The following CSMD1 variants were observed in gnomAD, a reference collection of about 807,000 sequenced individuals.
CSMD1 encodes the protein CUB and sushi domain-containing protein 1.
A neutral mutation model predicts 417.5 loss-of-function variants in CSMD1; 213 were observed. The observed-to-expected ratio is 0.51, with a 90% CI of 0.46 to 0.57. CSMD1 has a LOEUF of 0.57. Among genes scored for constraint, CSMD1 ranks in the 20% least tolerant of loss-of-function variants. The pLI is 0.00. For synonymous variants in CSMD1, 2,862 were observed against 1,736.8 expected (o/e 1.65, Z -16.11); for missense variants, 6,923 against 4,529.7 (o/e 1.53, Z -15.17).
intron 3 of CSMD1, among the ~76,000 whole-genome samples, chr8:4,292,155 G>C (rs1052661683): frequency 6.6e-6 from 1 of 152,136 alleles, no homozygotes; most frequent in Non-Finnish European, 1.5e-5. Flanking sequence ...AATGACCCAG[G>C]TGAGCCCGGT....
intron 7 of CSMD1, among the ~76,000 whole-genome samples, chr8:3,657,495 C>T (rs148844730): frequency 2.2e-4 from 34 of 152,236 alleles, no homozygotes; most frequent in East Asian, 2.1e-3. Flanking sequence ...CACATATACA[C>T]GATGGAATAC....
chr8:4,472,268 G>A (rs1800578243), intron 2 of CSMD1, among the ~76,000 whole-genome samples: 2 of 152,106 alleles, frequency 1.3e-5, no homozygotes, highest in South Asian at 2.1e-4. Flanking sequence ...CTCAGATGCA[G>A]TCTCTTCTAA....
At chr8:4,438,559 C>A (rs1473979112) in intron 2 of CSMD1, among the ~76,000 whole-genome samples, 3 of 152,204 alleles carry the variant, frequency 2.0e-5, no homozygotes, top group Admixed American at 6.5e-5. Flanking sequence ...CATCTCTAAG[C>A]TGACGGGAGT....
intron 10 of CSMD1, among the ~76,000 whole-genome samples, chr8:3,521,974 T>G (rs1797528606): frequency 6.6e-6 from 1 of 152,248 alleles, no homozygotes; most frequent in Non-Finnish European, 1.5e-5. Flanking sequence ...TTAACAAAAC[T>G]TTCATTTCCA....
chr8:4,788,073 A>T, intron 1 of CSMD1: 1 of 1,600,434 alleles, frequency 6.2e-7, no homozygotes, highest in South Asian at 1.1e-5. Flanking sequence ...GGTTGCAGAG[A>T]AAGTAGAGTT....
chr8:4,772,180 G>A (rs571286391), intron 1 of CSMD1, among the ~76,000 whole-genome samples: 42 of 152,164 alleles, frequency 2.8e-4, no homozygotes, highest in Non-Finnish European at 4.3e-4. Context: ...CTGTTTTCTT[G>A]CTGGCTGATG....
At chr8:3,625,097 T>A (rs1427638328) in intron 7 of CSMD1, among the ~76,000 whole-genome samples, 1 of 152,176 alleles carries the variant, frequency 6.6e-6, no homozygotes, top group Admixed American at 6.5e-5. Flanking sequence ...TTGCTGTTTT[T>A]ACAGAATATT....
Position 4,904,613 on chromosome 8 carries a change from C to T in CSMD1, c.85+89719G>A, listed in dbSNP as rs117094881. On this transcript the variant is annotated intron_variant, in intron 1 of 69. Transcript: ENST00000635120. ...ATCATTAAGCACATATATGAGTGAG[C>T]CAGGGAGCGCCCAACCATCCAAGTC... Among the ~76,000 whole-genome samples the T allele has an allele frequency of 1.3e-3, 196 of 152,056 alleles. 2 individuals carry two copies. Among genetic ancestry groups the T allele is most frequent in the South Asian group, 0.012 (56 of 4,802 alleles).
At chr8:4,105,650 C>G (rs567857074) in intron 3 of CSMD1, among the ~76,000 whole-genome samples, 1 of 152,140 alleles carries the variant, frequency 6.6e-6, no homozygotes, top group Admixed American at 6.5e-5. Context: ...GCAGGTGGAA[C>G]GTGGTTTCTG....
intron 5 of CSMD1, among the ~76,000 whole-genome samples, chr8:3,754,344 A>G (rs2720861): frequency 0.99 from 150,088 of 152,290 alleles, 74,002 homozygotes; most frequent in East Asian, 1. Context: ...CTTTTCATCA[A>G]GATCTTAATC....
intron 3 of CSMD1, among the ~76,000 whole-genome samples, chr8:4,180,324 A>G (rs1316376091): frequency 6.6e-6 from 1 of 151,304 alleles, no homozygotes; most frequent in Non-Finnish European, 1.5e-5. Context: ...AACTATTGCA[A>G]GGACAAAAAA....
intron 2 of CSMD1, among the ~76,000 whole-genome samples, chr8:4,454,100 G>C (rs573723520): frequency 1.3e-5 from 2 of 152,164 alleles, no homozygotes; most frequent in East Asian, 3.9e-4. Flanking sequence ...GGGATTACAG[G>C]CGTGAGCCAC....
At chr8:3,346,707 T>C (rs1297122431) in intron 22 of CSMD1, among the ~76,000 whole-genome samples, 1 of 152,212 alleles carries the variant, frequency 6.6e-6, no homozygotes, top group Non-Finnish European at 1.5e-5. Context: ...ATTCCAGCCA[T>C]TCTGTAAAGG....
intron 3 of CSMD1, among the ~76,000 whole-genome samples, chr8:4,322,310 T>G (rs1327542862): frequency 6.7e-6 from 1 of 148,624 alleles, no homozygotes; most frequent in South Asian, 2.3e-4. Flanking sequence ...ATCTGCATAT[T>G]TGAAGAGAGT....
chr8:3,084,524 C>CAAACA (rs770244791), intron 49 of CSMD1, among the ~76,000 whole-genome samples: 5 of 97,580 alleles, frequency 5.1e-5, no homozygotes, highest in African/African-American at 2.0e-4. Context: ...AACTCCGTCT[C>CAAACA]AAAAAAAAAA....
At chr8:3,888,961 A>G (rs530082295) in intron 5 of CSMD1, among the ~76,000 whole-genome samples, 2 of 152,312 alleles carry the variant, frequency 1.3e-5, no homozygotes, top group East Asian at 1.9e-4. Flanking sequence ...TAATTGTATT[A>G]TATTTAAAGA....
chr8:3,974,353 T>C (rs146899700), intron 5 of CSMD1, among the ~76,000 whole-genome samples: 3 of 152,084 alleles, frequency 2.0e-5, no homozygotes, highest in Admixed American at 6.5e-5. Context: ...TTGAAAGAAA[T>C]GGAATCAAAT....
intron 2 of CSMD1, among the ~76,000 whole-genome samples, chr8:4,458,114 A>G (rs553934266): frequency 6.6e-6 from 1 of 151,642 alleles, no homozygotes; most frequent in East Asian, 1.9e-4. Context: ...CTTTACATGA[A>G]ACTTTCTGTG....
chr8:4,808,557 A>G (rs1431273549), intron 1 of CSMD1, among the ~76,000 whole-genome samples: 1 of 152,184 alleles, frequency 6.6e-6, no homozygotes, highest in Non-Finnish European at 1.5e-5. Context: ...ATACAACTTA[A>G]TATGTTCCTA....
Sources: allele counts gnomAD v4.1 joint callset (sites outside exome capture counted in the v4.1 genomes callset), GRCh38; gene constraint gnomAD v4.1.1; transcripts MANE v1.5; gene names NCBI Gene and HGNC (gene_info 2026-07-23, HGNC 2026-07-21).